The following VPS37A variants were observed in gnomAD, a reference collection of about 807,000 sequenced individuals.
VPS37A encodes the protein vacuolar protein sorting-associated protein 37A.
VPS37A carries 30 observed loss-of-function variants against 49.8 expected under a neutral mutation model. The observed-to-expected ratio is 0.60, with a 90% CI of 0.45 to 0.82. VPS37A has a LOEUF of 0.82. VPS37A is among the 40% of genes least tolerant of loss of function. The probability of loss-of-function intolerance (pLI) is 0.00; values close to 1 mark genes in which losing one functional copy is unlikely to be tolerated. For missense variants in VPS37A, 593 were observed against 464.4 expected, an observed-to-expected ratio of 1.28 and a Z score of -2.55; for synonymous variants, 195 against 160.6, an observed-to-expected ratio of 1.21 and a Z score of -1.62.
intron 4 of VPS37A, among the ~76,000 whole-genome samples, chr8:17,271,402 G>A (rs1165002821): frequency 6.6e-6 from 1 of 152,104 alleles, no homozygotes; most frequent in African/African-American, 2.4e-5. Context: ...TCAGGAGATC[G>A]AGACCATCCT....
At chr8:17,276,578 A>G in intron 6 of VPS37A, 111 bp downstream of exon 6, 1 of 1,070,808 alleles carries the variant, frequency 9.3e-7, no homozygotes, top group Middle Eastern at 2.8e-4. Context: ...ACTAATCCTA[A>G]ACAATATTGT....
intron 3 of VPS37A, 121 bp from the exon 4 acceptor site, chr8:17,268,735 C>A: frequency 1.4e-6 from 1 of 697,884 alleles, no homozygotes; most frequent in Non-Finnish European, 2.4e-6. Flanking sequence ...TTGCTAATAT[C>A]CTTTTTCATT....
intron 4 of VPS37A, among the ~76,000 whole-genome samples, chr8:17,270,185 C>G (rs192878086): frequency 2.0e-4 from 30 of 152,170 alleles, no homozygotes; most frequent in African/African-American, 6.5e-4. Flanking sequence ...GGCCCCACCT[C>G]CAACATTGGG....
intron 1 of VPS37A, among the ~76,000 whole-genome samples, chr8:17,254,101 G>A (rs1027996279): frequency 1.3e-5 from 2 of 152,082 alleles, no homozygotes; most frequent in Non-Finnish European, 2.9e-5. Flanking sequence ...TTGGTGCACA[G>A]TTTGCGTGAT....
chr8:17,251,550 A>G (rs1811977607), intron 1 of VPS37A, among the ~76,000 whole-genome samples: 1 of 152,160 alleles, frequency 6.6e-6, no homozygotes, highest in African/African-American at 2.4e-5. Context: ...TTGTTTGTAG[A>G]TCTCTCATAA....
chr8:17,277,511 C>T (rs947630148), intron 6 of VPS37A, among the ~76,000 whole-genome samples: 1 of 152,008 alleles, frequency 6.6e-6, no homozygotes, highest in Non-Finnish European at 1.5e-5. Flanking sequence ...CTTCATGCCT[C>T]TTCTATCCAG....
At chr8:17,307,169 A>C (rs10107578), downstream of VPS37A, among the ~76,000 whole-genome samples, 104,039 of 151,798 alleles carry the variant, frequency 0.69, 36,252 homozygotes, top group African/African-American at 0.73. Flanking sequence ...CCAGAATCTA[A>C]AATGAACTCA....
At chr8:17,305,552 A>G (rs1023694381), downstream of VPS37A, among the ~76,000 whole-genome samples, 1 of 152,216 alleles carries the variant, frequency 6.6e-6, no homozygotes, top group Non-Finnish European at 1.5e-5. Context: ...AAACTGAAGG[A>G]AAAAATGAAA....
chr8:17,279,426 A>G (rs1015398718), intron 6 of VPS37A, among the ~76,000 whole-genome samples: 3 of 152,060 alleles, frequency 2.0e-5, no homozygotes, highest in Admixed American at 2.0e-4. Flanking sequence ...TTCTCATGCT[A>G]CCTTGTCTGT....
intron 4 of VPS37A, among the ~76,000 whole-genome samples, chr8:17,272,408 C>G (rs1240673250): frequency 2.6e-5 from 4 of 152,100 alleles, no homozygotes; most frequent in Non-Finnish European, 5.9e-5. Flanking sequence ...TATTCAAAAC[C>G]CATACCTCTA....
In VPS37A at chr8:17,295,208, G is replaced by C. The variant is rs914149961; in HGVS notation, c.*222G>C. 5.9e-5 allele frequency: 9 copies of C among 152,612 alleles called. No individual in the cohort carries two copies. The highest frequency in any genetic ancestry group is 1.3e-4 in the Non-Finnish European group (9 of 68,022). 9.5% of individuals were successfully genotyped at this position (152,612 alleles called of 1,614,324 possible). A position where few individuals can be genotyped will look rare whatever the true frequency, so the allele number is the denominator to read the frequency against. On this transcript the variant is annotated 3_prime_UTR_variant, in exon 12 of 12. Coordinates refer to ENST00000324849, the MANE Select transcript of VPS37A (RefSeq NM_152415.3). Reference sequence around the variant, plus strand: ...ATTTGCACTGAAATGTTTATTTATTGTTGATAAATTGTATCATATTTAAGT... The same window carrying C: ...ATTTGCACTGAAATGTTTATTTATTCTTGATAAATTGTATCATATTTAAGT...
intron 6 of VPS37A, among the ~76,000 whole-genome samples, chr8:17,278,504 A>T (rs140422709): frequency 0.015 from 2,313 of 152,200 alleles, 28 homozygotes; most frequent in Non-Finnish European, 0.025. Flanking sequence ...TGTCTCCAAA[A>T]GTTGCTCTGA....
chr8:17,247,697 C>G (rs1232793469), intron 1 of VPS37A: 1 of 702,868 alleles, frequency 1.4e-6, no homozygotes, highest in Non-Finnish European at 2.6e-6. Flanking sequence ...CGCCACTGAT[C>G]TTTCCCTTTG....
chr8:17,280,328 C>T, intron 8 of VPS37A, 31 bp downstream of exon 8: 7 of 1,604,422 alleles, frequency 4.4e-6, no homozygotes, highest in Non-Finnish European at 6.0e-6. Flanking sequence ...AAGAAATTTA[C>T]ATAATTTAAA....
At chr8:17,268,413 G>C (rs1475183945) in intron 3 of VPS37A, 41 bp downstream of exon 3, 1 of 1,329,766 alleles carries the variant, frequency 7.5e-7, no homozygotes, top group East Asian at 2.3e-5. Flanking sequence ...AATATAATAG[G>C]TGTATTACTT....
At chr8:17,280,193 A>G (rs1814910621) in intron 7 of VPS37A, 38 bp downstream of exon 7, 1 of 1,610,762 alleles carries the variant, frequency 6.2e-7, no homozygotes, top group Non-Finnish European at 8.5e-7. Context: ...TTTCCTGAAA[A>G]AAATCTCATC....
In VPS37A at chr8:17,286,276, T is replaced by C. The variant is rs3793426; in HGVS notation, c.1114-71T>C. ...CCAACAAGTTAAAAGCTTCCTGTCA[T>C]ACTGTTGGAAGTAAAGTAGTAGGCA... On this transcript the variant is annotated intron_variant, in intron 10 of 11. Coordinates refer to ENST00000324849, the MANE Select transcript of VPS37A (RefSeq NM_152415.3). 672 of 1,225,540 alleles carry C rather than the reference T, an allele frequency of 5.5e-4. 1 individual carries two copies. In the East Asian group the frequency reaches 0.016, roughly 29 times the overall value. The allele number at this position is 1,225,540 out of a possible 1,614,324, so 75.9% of individuals were successfully genotyped here.
At chr8:17,302,584 TTA>T (rs978852293), downstream of VPS37A, among the ~76,000 whole-genome samples, 3 of 152,052 alleles carry the variant, frequency 2.0e-5, no homozygotes, top group African/African-American at 7.3e-5. Context: ...AAAATGGCTC[TTA>T]GTTTTGAACT....
chr8:17,318,230 A>G, the VPS37A span, among the ~76,000 whole-genome samples: 24 of 152,268 alleles, frequency 1.6e-4, no homozygotes, highest in Admixed American at 3.3e-4. Flanking sequence ...GAAGCCCCCA[A>G]GATAAGGAAT....
Sources: gnomAD v4.1 joint callset for allele counts (sites outside exome capture counted in the v4.1 genomes callset) on GRCh38, gnomAD v4.1.1 for gene constraint, MANE v1.5 for transcripts, NCBI Gene and HGNC (gene_info 2026-07-23, HGNC 2026-07-21) for gene names.